Variants in MNAT1 observed in about 807,000 individuals in gnomAD.
MNAT1 encodes MNAT1 component of CDK activating kinase, also known as CDK-activating kinase assembly factor MAT1.
A neutral mutation model predicts 42.0 loss-of-function variants in MNAT1; 43 were observed. The observed-to-expected ratio is 1.02, with a 90% CI of 0.80 to 1.32. The LOEUF (loss-of-function observed/expected upper bound fraction) is 1.32, where lower values mean the gene tolerates loss of function less well. MNAT1 is among the 40% of genes most tolerant of loss of function. The pLI, the probability that MNAT1 is intolerant of heterozygous loss-of-function variation, is 0.00. For missense variants in MNAT1, 306 were observed against 350.4 expected (o/e 0.87, Z 1.01); for synonymous variants, 118 against 120.0 (o/e 0.98, Z 0.11).
intron 6 of MNAT1, among the ~76,000 whole-genome samples, chr14:60,841,284 A>G (rs1271083448): frequency 6.6e-6 from 1 of 151,288 alleles, no homozygotes; most frequent in Non-Finnish European, 1.5e-5. Flanking sequence ...TTATGTGTGT[A>G]CTTTAGGTGG....
At chr14:60,875,598 T>C (rs2034420353) in intron 6 of MNAT1, among the ~76,000 whole-genome samples, 1 of 152,138 alleles carries the variant, frequency 6.6e-6, no homozygotes, top group South Asian at 2.1e-4. Flanking sequence ...GATGCTGAGA[T>C]ATACATACAA....
At chr14:60,767,152 T>C (rs559425772) in intron 1 of MNAT1, among the ~76,000 whole-genome samples, 2 of 152,324 alleles carry the variant, frequency 1.3e-5, no homozygotes, top group South Asian at 4.1e-4. Context: ...AACAATACAC[T>C]TTTGGATTGG....
At chr14:60,936,314 G>C (rs539948946) in intron 7 of MNAT1, among the ~76,000 whole-genome samples, 2 of 151,882 alleles carry the variant, frequency 1.3e-5, no homozygotes, top group African/African-American at 2.4e-5. Context: ...GTGTCATGTT[G>C]GTGTGCTGCA....
intron 7 of MNAT1, among the ~76,000 whole-genome samples, chr14:60,922,255 A>G (rs897551636): frequency 1.4e-4 from 21 of 152,156 alleles, no homozygotes; most frequent in Non-Finnish European, 7.4e-5. Context: ...ATAATGGACT[A>G]TGATTAATGT....
At chr14:60,815,276 C>T (rs1217013138) in intron 5 of MNAT1, among the ~76,000 whole-genome samples, 2 of 151,246 alleles carry the variant, frequency 1.3e-5, no homozygotes, top group South Asian at 2.1e-4. Flanking sequence ...AGTGCAGTGG[C>T]GTGATCTTGG....
intron 7 of MNAT1, among the ~76,000 whole-genome samples, chr14:60,911,919 G>T (rs1464163490): frequency 6.6e-6 from 1 of 151,824 alleles, no homozygotes; most frequent in African/African-American, 2.4e-5. Flanking sequence ...TTGACAGTGG[G>T]GTGTTAAAGT....
chr14:60,740,473 A>G lies in MNAT1; in HGVS notation c.89+5522A>G, dbSNP rs1896432386. On this transcript the variant is annotated intron_variant, in intron 1 of 7. Coordinates refer to ENST00000261245, the MANE Select transcript of MNAT1 (RefSeq NM_002431.4). The surrounding 1 kb of genome is among the most constrained non-coding windows in gnomAD (Gnocchi z 4.1). ...TTAAATATGTTCTTCTGTTCTCAGTATTTCCTCTAAATTGTTAGTTATGTT... is the reference window on the plus strand; with the variant it reads ...TTAAATATGTTCTTCTGTTCTCAGTGTTTCCTCTAAATTGTTAGTTATGTT... 6.6e-6 allele frequency among the ~76,000 whole-genome samples: 1 copy of G among 151,844 alleles called. No individual in the cohort carries two copies. Among genetic ancestry groups the G allele is most frequent in the Non-Finnish European group, 1.5e-5 (1 of 67,990 alleles).
chr14:60,913,183 C>T (rs995462068), intron 7 of MNAT1, among the ~76,000 whole-genome samples: 1 of 152,168 alleles, frequency 6.6e-6, no homozygotes, highest in South Asian at 2.1e-4. Context: ...CCATTAGTTC[C>T]TTTAAGGACT....
In MNAT1 at chr14:60,763,119, G is replaced by A. The variant is rs552625198; in HGVS notation, c.89+28168G>A. 2.3e-3 allele frequency among the ~76,000 whole-genome samples: 350 copies of A among 152,208 alleles called. 1 individual carries two copies. Among genetic ancestry groups the A allele is most frequent in the African/African-American group, 4.6e-3 (192 of 41,538 alleles). On this transcript the variant is annotated intron_variant, in intron 1 of 7. Coordinates refer to ENST00000261245, the MANE Select transcript of MNAT1 (RefSeq NM_002431.4). Reference sequence around the variant, plus strand: ...CTTTTTCTCCAGTTAAACTAAATTAGGGAAGTTAAGAAAAAAGTCATGCGT... The same window carrying A: ...CTTTTTCTCCAGTTAAACTAAATTAAGGAAGTTAAGAAAAAAGTCATGCGT...
At chr14:60,932,769 C>T (rs4151367) in intron 7 of MNAT1, among the ~76,000 whole-genome samples, 1,701 of 152,060 alleles carry the variant, frequency 0.011, 27 homozygotes, top group African/African-American at 0.039. Flanking sequence ...ATTTTTAAAG[C>T]TATGTGTTAG....
chr14:60,746,903 T>TAC lies in MNAT1; in HGVS notation c.89+11953_89+11954insCA, dbSNP rs1278353288. ...CCTTTTTAAAGATTCATTTCATATA[T>TAC]ATATATATATATATATATATACACA... On this transcript the variant is annotated intron_variant, in intron 1 of 7. Transcript: ENST00000261245. Among the ~76,000 whole-genome samples the TAC allele has an allele frequency of 2.5e-3, 54 of 21,228 alleles. 1 individual carries two copies. The highest frequency in any genetic ancestry group is 8.8e-3 in the African/African-American group (52 of 5,888). 13.9% of individuals were successfully genotyped at this position (21,228 alleles called of 152,430 possible). A position where few individuals can be genotyped will look rare whatever the true frequency, so the allele number is the denominator to read the frequency against.
At chr14:60,809,532 A>G (rs1373299120) in intron 4 of MNAT1, among the ~76,000 whole-genome samples, 1 of 152,098 alleles carries the variant, frequency 6.6e-6, no homozygotes, top group Non-Finnish European at 1.5e-5. Context: ...CATTAACCCC[A>G]GGTGTTGGTA....
chr14:60,872,900 C>T (rs1181191372), intron 6 of MNAT1, among the ~76,000 whole-genome samples: 2 of 151,196 alleles, frequency 1.3e-5, no homozygotes, highest in Admixed American at 6.6e-5. Context: ...TCCCCTGAAC[C>T]GTTCTAAAGT....
chr14:60,871,484 A>C (rs1223840959), intron 6 of MNAT1, among the ~76,000 whole-genome samples: 1 of 152,120 alleles, frequency 6.6e-6, no homozygotes, highest in Non-Finnish European at 1.5e-5. Flanking sequence ...TTGTCATTCA[A>C]GTGAGTGTGC....
intron 6 of MNAT1, among the ~76,000 whole-genome samples, chr14:60,875,612 C>T (rs907877438): frequency 1.4e-4 from 21 of 151,958 alleles, no homozygotes; most frequent in African/African-American, 4.3e-4. Context: ...CATACAAAAC[C>T]CTTTAGCATA....
chr14:60,842,314 T>G (rs61992970), intron 6 of MNAT1, among the ~76,000 whole-genome samples: 8,832 of 152,334 alleles, frequency 0.058, 355 homozygotes, highest in Middle Eastern at 0.12. Context: ...TCCTCTCTGG[T>G]AATCTGCCCT....
At chr14:60,836,333 T>C (rs1479093992) in intron 6 of MNAT1, among the ~76,000 whole-genome samples, 1 of 152,220 alleles carries the variant, frequency 6.6e-6, no homozygotes, top group Non-Finnish European at 1.5e-5. Context: ...TTTTGGAATT[T>C]TCAGCCTTTT....
intron 6 of MNAT1, among the ~76,000 whole-genome samples, chr14:60,852,322 A>G (rs2033844584): frequency 6.6e-6 from 1 of 152,062 alleles, no homozygotes; most frequent in Non-Finnish European, 1.5e-5. Context: ...TGGCTGCATA[A>G]ATGTCTTGTT....
chr14:60,965,144 G>A (rs957283304), intron 7 of MNAT1, among the ~76,000 whole-genome samples: 1 of 152,184 alleles, frequency 6.6e-6, no homozygotes, highest in Non-Finnish European at 1.5e-5. Flanking sequence ...ATGATTGCTA[G>A]AAGGGAAGGG....
Sources: gnomAD v4.1 joint callset for allele counts (sites outside exome capture counted in the v4.1 genomes callset) on GRCh38, gnomAD v4.1.1 for gene constraint, Gnocchi (gnomAD v3.1) non-coding constraint, MANE v1.5 for transcripts, NCBI Gene and HGNC (gene_info 2026-07-23, HGNC 2026-07-21) for gene names.